The following ROCK1 variants were observed in gnomAD, a reference collection of about 807,000 sequenced individuals.
ROCK1 encodes Rho associated coiled-coil containing protein kinase 1, also known as rho-associated protein kinase 1.
In ROCK1, 36 loss-of-function variants were observed where a neutral mutation model predicts 196.8. That is an observed-to-expected ratio of 0.18 (90% CI 0.14 to 0.24). The LOEUF (loss-of-function observed/expected upper bound fraction) is 0.24. ROCK1 is among the 10% of genes least tolerant of loss of function. ROCK1 has a pLI of 1.00. For missense variants in ROCK1, 920 were observed against 1,562.0 expected, an observed-to-expected ratio of 0.59 and a Z score of 6.93; for synonymous variants, 443 against 515.9, an observed-to-expected ratio of 0.86 and a Z score of 1.91.
intron 9 of ROCK1, among the ~76,000 whole-genome samples, chr18:21,036,617 A>T (rs1362391573): frequency 6.6e-6 from 1 of 151,620 alleles, no homozygotes. Flanking sequence ...CTAATTTTTT[A>T]TTTTTATTTT....
Position 21,022,374 on chromosome 18 carries a change from C to T in ROCK1, c.1272+1246G>A, listed in dbSNP as rs1402561028. On this transcript the variant is annotated intron_variant, in intron 11 of 32. Transcript: ENST00000399799. ...AAAATGTATTTTCTGGAGTAATATA[C>T]TTCTCAGTGGACAAATTAAGATGAT... is the stretch of plus-strand genomic sequence containing the variant. Among the ~76,000 whole-genome samples, 2 of 152,112 alleles carry T rather than the reference C, an allele frequency of 1.3e-5. 1 individual carries two copies. The highest frequency in any genetic ancestry group is 4.1e-4 in the South Asian group (2 of 4,832).
intron 22 of ROCK1, among the ~76,000 whole-genome samples, chr18:20,970,889 T>G (rs1349034968): frequency 6.6e-6 from 1 of 152,160 alleles, no homozygotes; most frequent in Non-Finnish European, 1.5e-5. Flanking sequence ...CTCTGTTTTA[T>G]CATTAACTAA....
At chr18:20,962,751 G>A (rs1172529853) in intron 27 of ROCK1, among the ~76,000 whole-genome samples, 5 of 152,098 alleles carry the variant, frequency 3.3e-5, no homozygotes, top group Non-Finnish European at 1.5e-5. Flanking sequence ...AAATAAAGGT[G>A]TCAAGAATAT....
chr18:21,070,639 AG>A, intron 1 of ROCK1, 26 bp from the exon 2 acceptor site: 1 of 1,485,830 alleles, frequency 6.7e-7, no homozygotes. Context: ...AACAATGGTT[AG>A]TTTTTTGGAT....
intron 10 of ROCK1, among the ~76,000 whole-genome samples, chr18:21,027,891 A>T (rs1181826150): frequency 7.0e-6 from 1 of 143,486 alleles, no homozygotes; most frequent in African/African-American, 2.6e-5. Context: ...CCTCCCGAGT[A>T]GCTGGGACTA....
intron 29 of ROCK1, among the ~76,000 whole-genome samples, chr18:20,957,084 T>C (rs909603500): frequency 2.6e-5 from 4 of 152,176 alleles, no homozygotes; most frequent in Non-Finnish European, 5.9e-5. Flanking sequence ...TGTGACATAA[T>C]AATTTTTGAG....
At position 21,111,417 on chromosome 18, in the gene ROCK1, G is replaced by A; in HGVS notation, c.-507C>T. 1 of 360,870 alleles carries A rather than the reference G, an allele frequency of 2.8e-6. No individual in the cohort carries two copies. Among genetic ancestry groups the A allele is most frequent in the Non-Finnish European group, 5.0e-6 (1 of 201,468 alleles). The allele number at this position is 360,870 out of a possible 1,614,324, so 22.4% of individuals were successfully genotyped here. Reference sequence around the variant, plus strand: ...ACGGGCCGGGCCCGCTCCGCTCAGAGGCGCTGTAGACGGTCTAGCCCCGCG... The same window carrying A: ...ACGGGCCGGGCCCGCTCCGCTCAGAAGCGCTGTAGACGGTCTAGCCCCGCG... On this transcript the variant is annotated 5_prime_UTR_variant, in exon 1 of 33. Transcript: ENST00000399799. This position sits in a 1 kb window ranked among gnomAD's most constrained non-coding sequence, Gnocchi z 4.2.
intron 21 of ROCK1, among the ~76,000 whole-genome samples, chr18:20,980,798 C>A (rs1368044758): frequency 1.3e-5 from 2 of 151,666 alleles, no homozygotes; most frequent in Admixed American, 1.3e-4. Context: ...CTACTGTAAT[C>A]CCAGCTACTC....
At chr18:21,024,710 G>A (rs1213324847) in intron 10 of ROCK1, among the ~76,000 whole-genome samples, 4 of 152,180 alleles carry the variant, frequency 2.6e-5, no homozygotes, top group Admixed American at 1.3e-4. Flanking sequence ...AACATACACA[G>A]TACAATGGTA....
intron 9 of ROCK1, among the ~76,000 whole-genome samples, chr18:21,032,798 A>G (rs1289454512): frequency 6.6e-6 from 1 of 151,676 alleles, no homozygotes; most frequent in Non-Finnish European, 1.5e-5. Context: ...TTGGGATTAC[A>G]GGGGTGAGCC....
chr18:21,023,969 T>C (rs946172183), intron 10 of ROCK1, among the ~76,000 whole-genome samples: 1 of 152,114 alleles, frequency 6.6e-6, no homozygotes, highest in African/African-American at 2.4e-5. Context: ...ATAAAAACCA[T>C]AGTCTCAAGT....
chr18:21,033,854 T>TAAAA (rs71269004), intron 9 of ROCK1, among the ~76,000 whole-genome samples: 880 of 33,434 alleles, frequency 0.026, 150 homozygotes, highest in East Asian at 0.075. Flanking sequence ...CCGTTTCTAC[T>TAAAA]AAAAAAAAAA....
chr18:21,102,103 T>C (rs1372215580), intron 1 of ROCK1, among the ~76,000 whole-genome samples: 1 of 152,182 alleles, frequency 6.6e-6, no homozygotes, highest in Admixed American at 6.5e-5. Flanking sequence ...AAAATTCACA[T>C]TCTTTCCACT....
chr18:20,973,174 C>G (rs114137376), intron 22 of ROCK1, among the ~76,000 whole-genome samples: 1 of 152,044 alleles, frequency 6.6e-6, no homozygotes, highest in Admixed American at 6.5e-5. Context: ...CCACCACGCC[C>G]GGTGTAAGAG....
intron 1 of ROCK1, among the ~76,000 whole-genome samples, chr18:21,109,941 T>C (rs1250211401): frequency 1.3e-5 from 2 of 152,184 alleles, no homozygotes; most frequent in South Asian, 2.1e-4. Context: ...TTAGAGATTA[T>C]GTGGTTTTGT....
rs190151701 is a variant in ROCK1, at chr18:21,094,773, G to A, written c.93+16045C>T. Among the ~76,000 whole-genome samples, 652 of 148,092 alleles carry A rather than the reference G, an allele frequency of 4.4e-3. 4 individuals are homozygous for A. Among genetic ancestry groups the A allele is most frequent in the South Asian group, 8.3e-3 (39 of 4,680 alleles). On this transcript the variant is annotated intron_variant, in intron 1 of 32. Coordinates refer to ENST00000399799, the MANE Select transcript of ROCK1 (RefSeq NM_005406.3). ...CAAAAAAAAAAAAAGATGGCCAGGCGCGGTGGCTCACACCTGTAATCCCAG... is the reference window on the plus strand; with the variant it reads ...CAAAAAAAAAAAAAGATGGCCAGGCACGGTGGCTCACACCTGTAATCCCAG...
Position 20,981,355 on chromosome 18 carries a change from CT to C in ROCK1, c.2560-1352del, listed in dbSNP as rs576036945. 9.4e-3 allele frequency among the ~76,000 whole-genome samples: 1,423 copies of C among 151,266 alleles called. 17 individuals are homozygous for C. The highest frequency in any genetic ancestry group is 0.033 in the African/African-American group (1,367 of 41,226). ...CTTGCAGTGAGCCAAGATCGTGCCA[CT>C]TGCTCTCCAGCCTGGGCAAGAGGGT... On this transcript the variant is annotated intron_variant, in intron 21 of 32. Transcript: ENST00000399799.
intron 10 of ROCK1, among the ~76,000 whole-genome samples, chr18:21,024,598 T>C (rs2143470972): frequency 6.6e-6 from 1 of 152,316 alleles, no homozygotes; most frequent in East Asian, 1.9e-4. Flanking sequence ...GAGGCATGTG[T>C]TAACACACCA....
intron 1 of ROCK1, among the ~76,000 whole-genome samples, chr18:21,075,790 T>G (rs1842609): frequency 0.17 from 25,820 of 151,378 alleles, 4,347 homozygotes; most frequent in African/African-American, 0.41. Context: ...CCTTCTTTAC[T>G]AAAATACAAA....
Sources: allele counts gnomAD v4.1 joint callset (sites outside exome capture counted in the v4.1 genomes callset), GRCh38; gene constraint gnomAD v4.1.1; non-coding constraint Gnocchi (gnomAD v3.1); transcripts MANE v1.5; gene names NCBI Gene and HGNC (gene_info 2026-07-23, HGNC 2026-07-21).